PAMR1: variants seen among roughly 807,000 people sequenced by gnomAD.
PAMR1 encodes peptidase domain containing associated with muscle regeneration 1.
A neutral mutation model predicts 81.8 loss-of-function variants in PAMR1; 88 were observed. The observed-to-expected ratio is 1.08, with a 90% CI of 0.91 to 1.28. The LOEUF is 1.28. PAMR1 is among the 50% of genes most tolerant of loss of function. The pLI, the probability that PAMR1 is intolerant of heterozygous loss-of-function variation, is 0.00. For synonymous variants in PAMR1, 336 were observed against 345.3 expected (o/e 0.97, Z 0.30); for missense variants, 935 against 919.7 (o/e 1.02, Z -0.21).
At chr11:35,493,657 A>T (rs1850669439) in intron 2 of PAMR1, among the ~76,000 whole-genome samples, 1 of 152,076 alleles carries the variant, frequency 6.6e-6, no homozygotes, top group Non-Finnish European at 1.5e-5. Flanking sequence ...GTCTTCACTG[A>T]CTTTCCTCCC....
At chr11:35,482,217 A>G (rs10742348) in intron 3 of PAMR1, among the ~76,000 whole-genome samples, 132,716 of 152,232 alleles carry the variant, frequency 0.87, 58,198 homozygotes, top group African/African-American at 0.96. Context: ...TTTGTATAAG[A>G]TGTAAGGAAG....
At chr11:35,462,073 A>C (rs530536167) in intron 6 of PAMR1, among the ~76,000 whole-genome samples, 2 of 152,228 alleles carry the variant, frequency 1.3e-5, no homozygotes, top group East Asian at 1.9e-4. Context: ...CCGTTTAACA[A>C]AATACCAAAA....
chr11:35,525,826 C>A (rs1005766844), upstream of PAMR1: 3 of 563,580 alleles, frequency 5.3e-6, no homozygotes, highest in African/African-American at 1.9e-5. Context: ...GGTGTGGCCA[C>A]GCCTGGAGAC....
chr11:35,453,951 T>C (rs1856473747), intron 6 of PAMR1, among the ~76,000 whole-genome samples: 1 of 152,168 alleles, frequency 6.6e-6, no homozygotes, highest in Admixed American at 6.5e-5. Context: ...TTACATGCTA[T>C]TGCATGAACA....
chr11:35,449,492 GGCCACAATCT>G, intron 6 of PAMR1, among the ~76,000 whole-genome samples: 1 of 152,234 alleles, frequency 6.6e-6, no homozygotes, highest in East Asian at 1.9e-4. Context: ...GAAGCAGTCT[GGCCACAATCT>G]GCCACAGCTA....
rs187845181 is a variant in PAMR1 at position 35,501,118 on chromosome 11, A to G, written c.74-6846T>C. Among the ~76,000 whole-genome samples, 5 of 147,912 alleles carry G rather than the reference A, an allele frequency of 3.4e-5. No individual in the cohort carries two copies. The Admixed American group carries it at 3.5e-4, about 10-fold the overall frequency. ...TAGTTTTCTGTAACTTTTTAATTTT[A>G]TAACCTTTTTTTTTCTTTTTTTTTT... On this transcript the variant is annotated intron_variant, in intron 1 of 10. Coordinates refer to ENST00000619888, the MANE Select transcript of PAMR1 (RefSeq NM_001001991.3).
intron 8 of PAMR1, among the ~76,000 whole-genome samples, chr11:35,438,240 A>AC: frequency 6.6e-6 from 1 of 152,334 alleles, no homozygotes; most frequent in Admixed American, 6.5e-5. Flanking sequence ...GCTTCAGTTT[A>AC]CCCCTCTGTA....
chr11:35,471,742 T>C (rs1166454374), intron 4 of PAMR1, among the ~76,000 whole-genome samples: 1 of 152,076 alleles, frequency 6.6e-6, no homozygotes, highest in African/African-American at 2.4e-5. Flanking sequence ...AAGCCCCCGA[T>C]TCCAAGAGAC....
chr11:35,439,720 T>G (rs1333537278), intron 7 of PAMR1, 27 bp from the exon 8 acceptor site: 3 of 1,586,896 alleles, frequency 1.9e-6, no homozygotes, highest in South Asian at 2.2e-5. Flanking sequence ...CAATGCTGCA[T>G]GATCCTTTTC....
chr11:35,503,312 G>A (rs1206774937), intron 1 of PAMR1, among the ~76,000 whole-genome samples: 1 of 144,002 alleles, frequency 6.9e-6, no homozygotes, highest in African/African-American at 2.6e-5. Context: ...GCTCAGGATT[G>A]TTTTGACTAT....
chr11:35,528,480 T>G (rs1851424036), upstream of PAMR1, among the ~76,000 whole-genome samples: 2 of 152,248 alleles, frequency 1.3e-5, no homozygotes, highest in Admixed American at 1.3e-4. Context: ...ATTGTTCTTT[T>G]TAAAAATGCA....
chr11:35,505,127 C>A (rs914652461), intron 1 of PAMR1, among the ~76,000 whole-genome samples: 1 of 152,084 alleles, frequency 6.6e-6, no homozygotes, highest in Non-Finnish European at 1.5e-5. Flanking sequence ...CATTCATAGG[C>A]ACATTGTTTA....
intron 5 of PAMR1, among the ~76,000 whole-genome samples, chr11:35,470,297 G>A (rs992906597): frequency 4.6e-5 from 7 of 152,150 alleles, no homozygotes; most frequent in African/African-American, 9.7e-5. Context: ...CTCTAGAGCC[G>A]AACAGCTTGG....
chr11:35,512,276 C>T (rs945458385), intron 1 of PAMR1, among the ~76,000 whole-genome samples: 12 of 152,214 alleles, frequency 7.9e-5, no homozygotes, highest in Non-Finnish European at 4.4e-5. Context: ...CCAGCACCCA[C>T]TAAGGATATA....
rs1270055546 is a variant in PAMR1, at chr11:35,441,686, T to C, written c.828A>G (p.Glu276=). The C allele has an allele frequency of 1.2e-6, 2 of 1,603,982 alleles. No homozygotes were observed. The highest frequency in any genetic ancestry group is 2.7e-5 in the African/African-American group (2 of 74,238). The change falls in exon 7 of 11, where the codon GAA becomes GAG. Residue 276 remains glutamate (E), a synonymous_variant. Coordinates refer to ENST00000619888, the MANE Select transcript of PAMR1 (RefSeq NM_001001991.3). ...CCCCAGGGTCTGAGCAGTTTCTTTC[T>C]TCAAGGACTAAAAGAAAGTAAAAGA... ...YTGQRCENLL[E]ERNCSDPGGP...
At chr11:35,504,082 G>A (rs1408153423) in intron 1 of PAMR1, among the ~76,000 whole-genome samples, 2 of 152,030 alleles carry the variant, frequency 1.3e-5, no homozygotes, top group African/African-American at 2.4e-5. Flanking sequence ...TTTATCATGA[G>A]GGGATGTTGA....
intron 1 of PAMR1, among the ~76,000 whole-genome samples, chr11:35,497,982 A>G (rs1462765440): frequency 4.6e-5 from 7 of 152,200 alleles, no homozygotes; most frequent in Non-Finnish European, 7.4e-5. Context: ...ATGGAAATAA[A>G]CACAGGCCAT....
At chr11:35,479,658 T>C (rs1850347444) in intron 3 of PAMR1, among the ~76,000 whole-genome samples, 1 of 152,140 alleles carries the variant, frequency 6.6e-6, no homozygotes, top group African/African-American at 2.4e-5. Flanking sequence ...TCCCAGACAG[T>C]GATAGCAGAG....
chr11:35,493,963 T>C lies in PAMR1; in HGVS notation c.250+133A>G, dbSNP rs1850674713. The stretch of plus-strand genomic sequence containing the variant: ...GTGCCTTTAGTTAGAATGGGCTGAA[T>C]TGTGTCACTTTTCATAATCATGGCA... On this transcript the variant is annotated intron_variant, in intron 2 of 10. Coordinates refer to ENST00000619888, the MANE Select transcript of PAMR1 (RefSeq NM_001001991.3). The C allele has an allele frequency of 4.3e-6, 3 of 691,376 alleles. No homozygotes were observed. The Admixed American group carries it at 7.2e-5, about 17-fold the overall frequency. The allele number at this position is 691,376 out of a possible 1,614,324, so 42.8% of individuals were successfully genotyped here.
Sources: allele counts gnomAD v4.1 joint callset (sites outside exome capture counted in the v4.1 genomes callset), GRCh38; gene constraint gnomAD v4.1.1; transcripts MANE v1.5; gene names NCBI Gene and HGNC (gene_info 2026-07-23, HGNC 2026-07-21).